Variants in TLK2 observed in about 807,000 individuals in gnomAD.
TLK2 encodes serine/threonine-protein kinase tousled-like 2.
A neutral mutation model predicts 117.3 loss-of-function variants in TLK2; 6 were observed. The ratio of observed to expected loss-of-function variants is 0.05; its 90% CI spans 0.03 to 0.10. The LOEUF (loss-of-function observed/expected upper bound fraction) is 0.10, where lower values mean the gene tolerates loss of function less well. Ranked by LOEUF, TLK2 falls within the 10% of genes least tolerant of loss-of-function variation. The pLI, the probability that TLK2 is intolerant of heterozygous loss-of-function variation, is 1.00. For missense variants in TLK2, 299 were observed against 901.2 expected (o/e 0.33, Z 8.56); for synonymous variants, 257 against 316.7 (o/e 0.81, Z 2.00).
rs565559284 is a variant in TLK2, at chr17:62,565,235, G to A, written c.968+98G>A. ...GTCATTAATAATCCTACTATTGGTA[G>A]TCATCTTTTCAGTTAGTTTTTTAGT... On this transcript the variant is annotated intron_variant, in intron 11 of 21. Transcript: ENST00000346027. The A allele has an allele frequency of 5.2e-5, 75 of 1,435,788 alleles. No individual in the cohort carries two copies. The African/African-American group carries it at 8.9e-4, about 17-fold the overall frequency. 88.9% of individuals were successfully genotyped at this position (1,435,788 alleles called of 1,614,324 possible).
At chr17:62,487,475 C>T (rs1176417523) in intron 2 of TLK2, among the ~76,000 whole-genome samples, 7 of 145,790 alleles carry the variant, frequency 4.8e-5, no homozygotes, top group African/African-American at 1.5e-4. Context: ...GCTGAGATCG[C>T]GCCATTGCGC....
chr17:62,579,959 A>G (rs566200701), intron 14 of TLK2, 152 bp from the exon 15 acceptor site: 2 of 586,890 alleles, frequency 3.4e-6, no homozygotes, highest in East Asian at 5.9e-5. Context: ...GTGTAACTTT[A>G]TACTCAGTAT....
At position 62,560,027 on chromosome 17, in the gene TLK2, T is replaced by C; in HGVS notation, c.732T>C (p.Asp244=). ...RIDDLLRANC[D]LRRQIDEQQK... ...TTTTCTCATTGAAGGCCAACTGTGA[T>C]TTGAGACGGCAGATTGATGAACAGC... is the stretch of plus-strand genomic sequence containing the variant. The change falls in exon 10 of 22, where the codon GAT becomes GAC. Residue 244 remains aspartate (D), a synonymous_variant. Coordinates refer to ENST00000346027, the MANE Select transcript of TLK2 (RefSeq NM_006852.6). 1.9e-6 allele frequency: 3 copies of C among 1,607,334 alleles called. No individual in the cohort carries two copies. The highest frequency in any genetic ancestry group is 2.5e-6 in the Non-Finnish European group (3 of 1,176,686).
At chr17:62,512,682 T>C (rs1002463161) in intron 2 of TLK2, among the ~76,000 whole-genome samples, 44 of 152,112 alleles carry the variant, frequency 2.9e-4, no homozygotes, top group African/African-American at 1.0e-3. Flanking sequence ...TCTGTACTTT[T>C]GATGAGCTTC....
intron 6 of TLK2, among the ~76,000 whole-genome samples, chr17:62,524,791 A>G (rs764909973): frequency 1.1e-4 from 16 of 152,252 alleles, no homozygotes; most frequent in Non-Finnish European, 2.4e-4. Context: ...TGAAGGTCTT[A>G]AAAACATTAT....
intron 10 of TLK2, among the ~76,000 whole-genome samples, chr17:62,562,233 G>A (rs752387590): frequency 1.3e-5 from 2 of 152,060 alleles, no homozygotes; most frequent in African/African-American, 4.8e-5. Flanking sequence ...GGGGGTGTGC[G>A]CCTGTAATCT....
intron 12 of TLK2, among the ~76,000 whole-genome samples, chr17:62,575,855 C>T (rs1417080292): frequency 6.6e-6 from 1 of 152,100 alleles, no homozygotes; most frequent in Non-Finnish European, 1.5e-5. Flanking sequence ...TGCCACCATG[C>T]CCAGCTTCTT....
intron 6 of TLK2, among the ~76,000 whole-genome samples, chr17:62,531,906 T>C (rs2076766622): frequency 6.6e-6 from 1 of 152,344 alleles, no homozygotes; most frequent in African/African-American, 2.4e-5. Context: ...GTTTACCCTT[T>C]CCTTGAGAAT....
chr17:62,517,822 C>T lies in TLK2; in HGVS notation c.82-2951C>T, dbSNP rs116676867. ...AAGCGACTGTCCTGCCTCAGTCTCC[C>T]GACTAGCTGGGACTATTGGTGTGCA... is the stretch of plus-strand genomic sequence containing the variant. On this transcript the variant is annotated intron_variant, in intron 2 of 21. Transcript: ENST00000346027. 5.2e-3 allele frequency among the ~76,000 whole-genome samples: 795 copies of T among 152,252 alleles called. 4 individuals carry two copies. The highest frequency in any genetic ancestry group is 0.018 in the African/African-American group (755 of 41,544).
rs146436085 is a variant in TLK2 at position 62,608,676 on chromosome 17, C to T, written c.2079+528C>T. 2.7e-3 allele frequency among the ~76,000 whole-genome samples: 416 copies of T among 152,256 alleles called. 1 individual carries two copies. Among genetic ancestry groups the T allele is most frequent in the African/African-American group, 9.5e-3 (395 of 41,542 alleles). ...AGACCTTAGGAAACTTAGGTAACCACCCCCATGATTCAGTTACCTCCCACC... is the reference window on the plus strand; with the variant it reads ...AGACCTTAGGAAACTTAGGTAACCATCCCCATGATTCAGTTACCTCCCACC... On this transcript the variant is annotated intron_variant, in intron 21 of 21. Transcript: ENST00000346027.
At chr17:62,551,116 T>C (rs2078426443) in intron 7 of TLK2, among the ~76,000 whole-genome samples, 1 of 152,224 alleles carries the variant, frequency 6.6e-6, no homozygotes, top group South Asian at 2.1e-4. Flanking sequence ...TGACCCAGTC[T>C]CCTTATAGGA....
chr17:62,476,544 C>T (rs2071049751), upstream of TLK2, among the ~76,000 whole-genome samples: 1 of 152,022 alleles, frequency 6.6e-6, no homozygotes, highest in Middle Eastern at 3.4e-3. Context: ...GATTGTGCCA[C>T]TGCACTTCAG....
At chr17:62,574,882 A>G (rs1163932323) in intron 12 of TLK2, among the ~76,000 whole-genome samples, 1 of 152,138 alleles carries the variant, frequency 6.6e-6, no homozygotes, top group African/African-American at 2.4e-5. Context: ...CAATAATGAG[A>G]ATGAGAAGAG....
At chr17:62,506,308 A>G (rs1219139822) in intron 2 of TLK2, among the ~76,000 whole-genome samples, 2 of 152,228 alleles carry the variant, frequency 1.3e-5, no homozygotes, top group East Asian at 3.8e-4. Context: ...GTCATTGGTT[A>G]TATGAACTTA....
chr17:62,538,923 CTG>C (rs955324011), intron 7 of TLK2, among the ~76,000 whole-genome samples: 26 of 152,308 alleles, frequency 1.7e-4, no homozygotes, highest in African/African-American at 5.5e-4. Context: ...TAGGCAAAGA[CTG>C]TTTTTGAAAA....
chr17:62,555,579 G>GTCAAGCAATTCTCCTACC (rs538727406), intron 9 of TLK2, among the ~76,000 whole-genome samples: 2,715 of 150,756 alleles, frequency 0.018, 36 homozygotes, highest in Non-Finnish European at 0.024. Context: ...GCCTCCTGGG[G>GTCAAGCAATTCTCCTACC]TCAAGCAATT....
At chr17:62,478,490 C>G (rs2071179558), upstream of TLK2, among the ~76,000 whole-genome samples, 5 of 150,054 alleles carry the variant, frequency 3.3e-5, no homozygotes, top group South Asian at 1.0e-3. Context: ...GGCCTCCGGC[C>G]TCGGGCAGTC....
intron 7 of TLK2, among the ~76,000 whole-genome samples, chr17:62,549,418 A>AAAAAAAAAAAAAAG (rs2078230812): frequency 2.3e-4 from 2 of 8,536 alleles, no homozygotes; most frequent in Non-Finnish European, 1.2e-3. Context: ...AAAAAAAAAA[A>AAAAAAAAAAAAAAG]AAAAAAAAAA....
chr17:62,574,362 C>T (rs761582023), intron 12 of TLK2: 3 of 1,549,574 alleles, frequency 1.9e-6, no homozygotes, highest in East Asian at 4.7e-5. Context: ...TCTGGGAATA[C>T]AGAGCTAAAG....
Sources: allele counts gnomAD v4.1 joint callset (sites outside exome capture counted in the v4.1 genomes callset), GRCh38; gene constraint gnomAD v4.1.1; transcripts MANE v1.5; gene names NCBI Gene and HGNC (gene_info 2026-07-23, HGNC 2026-07-21).